The following PPP1R3A variants were observed in gnomAD, a reference collection of about 807,000 sequenced individuals.
PPP1R3A encodes RG1.
Under a neutral mutation model 41.7 loss-of-function variants are expected in PPP1R3A, and 29 were observed. The ratio of observed to expected loss-of-function variants is 0.70; its 90% CI spans 0.52 to 0.95. The LOEUF is 0.95. Among genes scored for constraint, PPP1R3A ranks in the 40% least tolerant of loss-of-function variants. PPP1R3A has a pLI of 0.00. For synonymous variants in PPP1R3A, 485 were observed against 453.4 expected (o/e 1.07, Z -0.89); for missense variants, 1,352 against 1,292.4 (o/e 1.05, Z -0.71).
In PPP1R3A at chr7:113,877,705, A is replaced by G. The variant is rs758415604; in HGVS notation, c.*18T>C. Reference sequence around the variant, plus strand: ...GGTTAAATAGCTTATCTTTTAAGAGAGAATAGTAGTGCTGAGGTTACTTCT... The same window carrying G: ...GGTTAAATAGCTTATCTTTTAAGAGGGAATAGTAGTGCTGAGGTTACTTCT... On this transcript the variant is annotated 3_prime_UTR_variant, in exon 4 of 4. Coordinates refer to ENST00000284601, the MANE Select transcript of PPP1R3A (RefSeq NM_002711.4). 6.6e-7 allele frequency: 1 copy of G among 1,522,712 alleles called. No homozygotes were observed. The highest frequency in any genetic ancestry group is 2.3e-5 in the East Asian group (1 of 44,176). The allele number at this position is 1,522,712 out of a possible 1,614,324, so 94.3% of individuals were successfully genotyped here.
chr7:113,912,756 G>A (rs868637935), intron 1 of PPP1R3A, among the ~76,000 whole-genome samples: 2 of 151,706 alleles, frequency 1.3e-5, no homozygotes, highest in African/African-American at 2.4e-5. Context: ...GAAATAGTGG[G>A]CTCTGCTTTA....
At chr7:113,890,321 G>A (rs1354929936) in intron 1 of PPP1R3A, among the ~76,000 whole-genome samples, 2 of 152,016 alleles carry the variant, frequency 1.3e-5, no homozygotes, top group African/African-American at 2.4e-5. Context: ...CTCTGAGTGG[G>A]CAGTGGGAAT....
intron 1 of PPP1R3A, among the ~76,000 whole-genome samples, chr7:113,910,902 A>T (rs1362904748): frequency 6.6e-6 from 1 of 152,138 alleles, no homozygotes; most frequent in African/African-American, 2.4e-5. Context: ...ATTTACAAAT[A>T]TCAATGGGGA....
chr7:113,905,257 ATAT>A (rs899378613), intron 1 of PPP1R3A, among the ~76,000 whole-genome samples: 19 of 151,908 alleles, frequency 1.3e-4, no homozygotes, highest in East Asian at 3.9e-4. Context: ...TGTCATAAAA[ATAT>A]TATAATTTTA....
chr7:113,911,931 G>A (rs1797259282), intron 1 of PPP1R3A, among the ~76,000 whole-genome samples: 2 of 152,070 alleles, frequency 1.3e-5, no homozygotes, highest in African/African-American at 2.4e-5. Context: ...AACTGGAATA[G>A]ATGCTTGTAT....
At chr7:113,887,539 G>A (rs1796805919) in intron 1 of PPP1R3A, among the ~76,000 whole-genome samples, 1 of 151,936 alleles carries the variant, frequency 6.6e-6, no homozygotes, top group African/African-American at 2.4e-5. Flanking sequence ...ATAAACAATG[G>A]GATATGATAG....
chr7:113,910,641 T>G (rs1450292857), intron 1 of PPP1R3A, among the ~76,000 whole-genome samples: 1 of 152,114 alleles, frequency 6.6e-6, no homozygotes, highest in Non-Finnish European at 1.5e-5. Context: ...TATATTTTGT[T>G]TTTCAAATAT....
intron 1 of PPP1R3A, among the ~76,000 whole-genome samples, chr7:113,887,774 T>C (rs1221607307): frequency 1.3e-5 from 2 of 152,146 alleles, no homozygotes; most frequent in Admixed American, 1.3e-4. Context: ...CTCACGCCTA[T>C]AATCCCAGCA....
intron 1 of PPP1R3A, among the ~76,000 whole-genome samples, chr7:113,899,047 G>A (rs1797021511): frequency 6.6e-6 from 1 of 151,702 alleles, no homozygotes; most frequent in African/African-American, 2.4e-5. Context: ...CAGACTGACT[G>A]GCCTAATCAG....
chr7:113,878,914 T>G lies in PPP1R3A; in HGVS notation c.2178A>C (p.Glu726Asp). 1 of 1,613,090 alleles carries G rather than the reference T, an allele frequency of 6.2e-7. No homozygotes were observed. Among genetic ancestry groups the G allele is most frequent in the South Asian group, 1.1e-5 (1 of 91,082 alleles). The change falls in exon 4 of 4, where the codon GAA becomes GAC. Residue 726 changes from glutamate (E) to aspartate (D), a missense_variant. Physicochemically the swap from Glu to Asp is conservative, Grantham distance 45. Transcript: ENST00000284601. ...LADHGITEKA[E>D]AGTAYIIKTT... Reference sequence around the variant, plus strand: ...TCTTAATTATATAGGCTGTACCAGCTTCTGCTTTCTCAGTAATGCCATGAT... The same window carrying G: ...TCTTAATTATATAGGCTGTACCAGCGTCTGCTTTCTCAGTAATGCCATGAT...
In PPP1R3A at chr7:113,886,262, T is replaced by C. The variant is rs142043624; in HGVS notation, c.783-3942A>G. 7.4e-3 allele frequency among the ~76,000 whole-genome samples: 1,121 copies of C among 152,234 alleles called. 14 individuals are homozygous for C. The highest frequency in any genetic ancestry group is 0.025 in the African/African-American group (1,035 of 41,552). ...TGTAACTCCCACAATTCCCACAGTG[T>C]CATGGGAAGAACCCAGAGGGAGGTG... is the stretch of plus-strand genomic sequence containing the variant. On this transcript the variant is annotated intron_variant, in intron 1 of 3. Coordinates refer to ENST00000284601, the MANE Select transcript of PPP1R3A (RefSeq NM_002711.4).
chr7:113,900,371 C>T (rs1016106940), intron 1 of PPP1R3A, among the ~76,000 whole-genome samples: 2 of 151,496 alleles, frequency 1.3e-5, no homozygotes, highest in Non-Finnish European at 1.5e-5. Flanking sequence ...ATGGATAATG[C>T]TGATAGTTTA....
chr7:113,913,462 T>A (rs1029254622), intron 1 of PPP1R3A, among the ~76,000 whole-genome samples: 5 of 152,262 alleles, frequency 3.3e-5, no homozygotes, highest in African/African-American at 1.2e-4. Flanking sequence ...CGTACCTGGT[T>A]TTTTTCCTAC....
At chr7:113,913,607 A>C (rs1250151082) in intron 1 of PPP1R3A, among the ~76,000 whole-genome samples, 1 of 152,092 alleles carries the variant, frequency 6.6e-6, no homozygotes, top group Non-Finnish European at 1.5e-5. Context: ...TAAAATAATA[A>C]ATTGGTTTCA....
intron 1 of PPP1R3A, among the ~76,000 whole-genome samples, chr7:113,903,818 A>G (rs1797103069): frequency 6.6e-6 from 1 of 151,654 alleles, no homozygotes; most frequent in Non-Finnish European, 1.5e-5. Context: ...GACTCCCACA[A>G]TTCCTTTCAT....
intron 1 of PPP1R3A, among the ~76,000 whole-genome samples, chr7:113,897,565 G>GA (rs11336103): frequency 3.7e-4 from 54 of 144,204 alleles, no homozygotes; most frequent in Middle Eastern, 3.5e-3. Flanking sequence ...TCTCTTAAAG[G>GA]AAAAAAAAAA....
chr7:113,888,096 C>T (rs1441537662), intron 1 of PPP1R3A, among the ~76,000 whole-genome samples: 1 of 151,688 alleles, frequency 6.6e-6, no homozygotes, highest in Non-Finnish European at 1.5e-5. Context: ...GAGGGCTGGA[C>T]TCTGTTTGGG....
chr7:113,901,448 G>A (rs1797060498), intron 1 of PPP1R3A, among the ~76,000 whole-genome samples: 1 of 151,708 alleles, frequency 6.6e-6, no homozygotes, highest in Non-Finnish European at 1.5e-5. Context: ...TTAAAACATG[G>A]TGACAGTGTG....
At position 113,879,234 on chromosome 7, in the gene PPP1R3A, A is replaced by T; in HGVS notation, c.1858T>A (p.Ser620Thr). The change falls in exon 4 of 4, where the codon TCA (serine) becomes ACA (threonine). Residue 620 changes from serine (S) to threonine (T), a missense_variant. Physicochemically the swap from Ser to Thr is moderately conservative, Grantham distance 58. Transcript: ENST00000284601. The stretch of plus-strand genomic sequence containing the variant: ...TTCCTCAAAACATTTCCAGTTCTTG[A>T]TGAACAAACTTGACCAGTTATCCCT... ...LGGITGQVCS[S>T]RTGNVLRNDY... The T allele has an allele frequency of 6.2e-7, 1 of 1,613,670 alleles. No individual in the cohort carries two copies.
Sources: allele counts gnomAD v4.1 joint callset (sites outside exome capture counted in the v4.1 genomes callset), GRCh38; gene constraint gnomAD v4.1.1; transcripts MANE v1.5; gene names NCBI Gene and HGNC (gene_info 2026-07-23, HGNC 2026-07-21).